The following PTBP3 variants were observed in gnomAD, a reference collection of about 807,000 sequenced individuals.
PTBP3 encodes the protein polypyrimidine tract-binding protein 3.
A neutral mutation model predicts 58.7 loss-of-function variants in PTBP3; 20 were observed. The ratio of observed to expected loss-of-function variants is 0.34; its 90% CI spans 0.24 to 0.50. The LOEUF (loss-of-function observed/expected upper bound fraction) is 0.50. Among genes scored for constraint, PTBP3 ranks in the 20% least tolerant of loss-of-function variants. The pLI, the probability that PTBP3 is intolerant of heterozygous loss-of-function variation, is 0.98. For missense variants in PTBP3, 509 were observed against 637.2 expected, an observed-to-expected ratio of 0.80 and a Z score of 2.17; for synonymous variants, 185 against 219.8, an observed-to-expected ratio of 0.84 and a Z score of 1.40.
chr9:112,329,076 C>T (rs1432548190), intron 1 of PTBP3, among the ~76,000 whole-genome samples: 5 of 152,156 alleles, frequency 3.3e-5, no homozygotes, highest in African/African-American at 1.2e-4. Flanking sequence ...TATTTTAAGT[C>T]TCATACAGAT....
Position 112,220,675 on chromosome 9 carries a change from A to T in PTBP3, c.*3176T>A, listed in dbSNP as rs1352565863. On this transcript the variant is annotated 3_prime_UTR_variant, in exon 14 of 14. Transcript: ENST00000374257. ...TACTCTCCAGTAAGTATCAATTAAG[A>T]TACTGGGTCATTTTTCTATTTGTAT... 2.0e-6 allele frequency: 2 copies of T among 986,386 alleles called. No homozygotes were observed. Among genetic ancestry groups the T allele is most frequent in the Admixed American group, 1.2e-4 (2 of 16,464 alleles). 61.1% of individuals were successfully genotyped at this position (986,386 alleles called of 1,614,324 possible).
At chr9:112,332,898 C>A in intron 1 of PTBP3, 1 of 1,596,386 alleles carries the variant, frequency 6.3e-7, no homozygotes, top group Non-Finnish European at 8.5e-7. Context: ...TCTCACAGCA[C>A]AAGTCGGGAG....
intron 7 of PTBP3, among the ~76,000 whole-genome samples, chr9:112,240,826 A>C (rs188918230): frequency 4.0e-4 from 61 of 152,182 alleles, no homozygotes; most frequent in Admixed American, 2.7e-3. Flanking sequence ...GACAATCCTG[A>C]CCTTGTGTAG....
intron 1 of PTBP3, among the ~76,000 whole-genome samples, chr9:112,302,701 G>C (rs1013725041): frequency 6.2e-5 from 9 of 145,936 alleles, no homozygotes; most frequent in African/African-American, 2.2e-4. Flanking sequence ...TGATTCTCGT[G>C]TCTCAGCCTC....
intron 1 of PTBP3, among the ~76,000 whole-genome samples, chr9:112,301,189 G>T (rs1828919150): frequency 6.6e-6 from 1 of 152,066 alleles, no homozygotes; most frequent in Non-Finnish European, 1.5e-5. Flanking sequence ...CATTGGATTT[G>T]AAAAGGTATT....
In PTBP3 at chr9:112,275,810, A is replaced by C. The variant is rs767184254; in HGVS notation, c.204+34T>G. 3.3e-6 allele frequency: 5 copies of C among 1,528,298 alleles called. No individual in the cohort carries two copies. The Admixed American group carries it at 9.0e-5, about 27-fold the overall frequency. 94.7% of individuals were successfully genotyped at this position (1,528,298 alleles called of 1,614,324 possible). On this transcript the variant is annotated intron_variant, in intron 3 of 13. Coordinates refer to ENST00000374257, the MANE Select transcript of PTBP3 (RefSeq NM_001163788.4). ...ATCAGTAATACTAACATCTGGAGAT[A>C]ATCACTCTTTGTCAATCTTTAAATA...
chr9:112,317,713 C>T (rs1351929550), intron 1 of PTBP3, among the ~76,000 whole-genome samples: 2 of 152,130 alleles, frequency 1.3e-5, no homozygotes, highest in Non-Finnish European at 2.9e-5. Flanking sequence ...CTTTGGGAGG[C>T]CAAGGTGGGT....
chr9:112,359,961 T>A, the PTBP3 span, among the ~76,000 whole-genome samples: 11 of 152,332 alleles, frequency 7.2e-5, no homozygotes, highest in South Asian at 2.3e-3. Context: ...AACATGATTA[T>A]CTCTGAAGGG....
chr9:112,371,797 G>A, the PTBP3 span, among the ~76,000 whole-genome samples: 2 of 151,972 alleles, frequency 1.3e-5, no homozygotes, highest in Non-Finnish European at 2.9e-5. Flanking sequence ...GCAGTGGCAT[G>A]ATCATGGCCC....
the PTBP3 span, among the ~76,000 whole-genome samples, chr9:112,368,267 T>G: frequency 6.6e-6 from 1 of 152,198 alleles, no homozygotes; most frequent in Non-Finnish European, 1.5e-5. Context: ...GTCTCCCAGG[T>G]TTAAGCGATT....
chr9:112,343,002 T>A, the PTBP3 span, among the ~76,000 whole-genome samples: 1 of 152,038 alleles, frequency 6.6e-6, no homozygotes, highest in Non-Finnish European at 1.5e-5. Context: ...ATTGCCCATA[T>A]CTTAGTTTCT....
upstream of PTBP3, among the ~76,000 whole-genome samples, chr9:112,333,821 G>A (rs1473409293): frequency 1.3e-5 from 2 of 150,240 alleles, no homozygotes; most frequent in East Asian, 3.9e-4. Flanking sequence ...TCTTCCCGCG[G>A]TCGCTGTAAG....
At chr9:112,321,481 ATC>A (rs1263349145) in intron 1 of PTBP3, among the ~76,000 whole-genome samples, 1 of 151,108 alleles carries the variant, frequency 6.6e-6, no homozygotes, top group African/African-American at 2.4e-5. Context: ...GTAAGCCAAG[ATC>A]GCACCACTGC....
the PTBP3 span, among the ~76,000 whole-genome samples, chr9:112,361,720 T>C: frequency 6.6e-6 from 1 of 152,208 alleles, no homozygotes; most frequent in Admixed American, 6.5e-5. Flanking sequence ...AAACATGTTT[T>C]TATTTCTCTT....
At chr9:112,379,855 G>GTTCGTGTA in the PTBP3 span, 1 of 520,750 alleles carries the variant, frequency 1.9e-6, no homozygotes, top group Admixed American at 3.9e-5. Flanking sequence ...GGCGCCGACA[G>GTTCGTGTA]GAGCCTGATT....
the PTBP3 span, among the ~76,000 whole-genome samples, chr9:112,378,660 T>C: frequency 6.6e-6 from 1 of 152,232 alleles, no homozygotes; most frequent in African/African-American, 2.4e-5. Context: ...AAACACCTAA[T>C]GCTTAACAAC....
chr9:112,361,442 C>T, the PTBP3 span, among the ~76,000 whole-genome samples: 22 of 152,200 alleles, frequency 1.4e-4, no homozygotes, highest in African/African-American at 5.1e-4. Context: ...GGGAAGATAA[C>T]TTTGTCCATT....
At chr9:112,269,241 C>T (rs1969946) in intron 3 of PTBP3, among the ~76,000 whole-genome samples, 81,240 of 144,258 alleles carry the variant, frequency 0.56, 24,374 homozygotes, top group African/African-American at 0.81. Flanking sequence ...GGCTACAATA[C>T]ATAAACAGAT....
chr9:112,313,531 T>C (rs1167228155), intron 1 of PTBP3, among the ~76,000 whole-genome samples: 1 of 152,212 alleles, frequency 6.6e-6, no homozygotes, highest in Non-Finnish European at 1.5e-5. Flanking sequence ...AACCTGGACA[T>C]GGCTTAGCTA....
Sources: allele counts gnomAD v4.1 joint callset (sites outside exome capture counted in the v4.1 genomes callset), GRCh38; gene constraint gnomAD v4.1.1; transcripts MANE v1.5; gene names NCBI Gene and HGNC (gene_info 2026-07-23, HGNC 2026-07-21).